LMBR1: variants seen among roughly 807,000 people sequenced by gnomAD.
The protein encoded by LMBR1 is limb development membrane protein 1, also known as limb region 1 protein homolog.
LMBR1 carries 52 observed loss-of-function variants against 73.9 expected under a neutral mutation model. The ratio of observed to expected loss-of-function variants is 0.70; its 90% confidence interval spans 0.56 to 0.89. The LOEUF is 0.89. Among genes scored for constraint, LMBR1 ranks in the 40% least tolerant of loss-of-function variants. The pLI, the probability that LMBR1 is intolerant of heterozygous loss-of-function variation, is 0.00. For missense variants in LMBR1, 539 were observed against 579.8 expected (o/e 0.93, Z 0.72); for synonymous variants, 215 against 209.4 (o/e 1.03, Z -0.23).
At chr7:156,847,637 G>A (rs1052838521) in intron 1 of LMBR1, among the ~76,000 whole-genome samples, 1 of 151,956 alleles carries the variant, frequency 6.6e-6, no homozygotes, top group Non-Finnish European at 1.5e-5. Context: ...AAGACCTCAT[G>A]AGTGAAGATA....
At position 156,682,030 on chromosome 7, in the gene LMBR1, T is replaced by C. The variant is rs929849277; in HGVS notation, c.*2048A>G. 1 of 152,288 alleles carries C rather than the reference T, an allele frequency of 6.6e-6. No homozygotes were observed. The highest frequency in any genetic ancestry group is 2.4e-5 in the African/African-American group (1 of 41,462). 9.4% of individuals were successfully genotyped at this position (152,288 alleles called of 1,614,324 possible). A position where few individuals can be genotyped will look rare whatever the true frequency, so the allele number is the denominator to read the frequency against. ...CCCAAGGCTGTAACAATCTATTTGT[T>C]CTCAAGGCATATGAGTCCCAGGTTC... On this transcript the variant is annotated 3_prime_UTR_variant, in exon 17 of 17. Coordinates refer to ENST00000353442, the MANE Select transcript of LMBR1 (RefSeq NM_022458.4).
In LMBR1 at chr7:156,763,769, A is replaced by G; in HGVS notation, c.450T>C (p.Thr150=). 6.2e-7 allele frequency: 1 copy of G among 1,600,928 alleles called. No individual in the cohort carries two copies. The highest frequency in any genetic ancestry group is 1.1e-5 in the South Asian group (1 of 88,276). ...ACGCAAGAAGAAGAAGCATGACCAA[A>G]GTCTCTAAAATGCGGGCTCGGATTC... The part of the protein sequence containing the change: ...KKGIRARILE[T]LVMLLLLALL... The change falls in exon 6 of 17, where the codon ACT becomes ACC. Residue 150 remains threonine, a synonymous_variant. Coordinates refer to ENST00000353442, the MANE Select transcript of LMBR1 (RefSeq NM_022458.4).
chr7:156,852,219 G>T (rs1025303221), intron 1 of LMBR1, among the ~76,000 whole-genome samples: 1 of 152,166 alleles, frequency 6.6e-6, no homozygotes, highest in Non-Finnish European at 1.5e-5. Flanking sequence ...AAAGTAGTGT[G>T]AATACTCACT....
chr7:156,832,861 T>A (rs1836928889), intron 3 of LMBR1, among the ~76,000 whole-genome samples: 1 of 152,142 alleles, frequency 6.6e-6, no homozygotes, highest in African/African-American at 2.4e-5. Context: ...AATGAAGAAG[T>A]GTTTCAGTCT....
At position 156,885,178 on chromosome 7, in the gene LMBR1, C is replaced by T. The variant is rs369661142; in HGVS notation, c.66+7750G>A. On this transcript the variant is annotated intron_variant, in intron 1 of 16. Coordinates refer to ENST00000353442, the MANE Select transcript of LMBR1 (RefSeq NM_022458.4). ...GACCAGCTTGGCCAACATGGCAAAA[C>T]CCCATCTCTACTAAAAATACAAAAA... Among the ~76,000 whole-genome samples the T allele has an allele frequency of 2.0e-4, 30 of 151,864 alleles. No homozygotes were observed. In the East Asian group the frequency reaches 5.3e-3, roughly 27 times the overall value.
intron 15 of LMBR1, among the ~76,000 whole-genome samples, chr7:156,717,394 G>A (rs1813455077): frequency 6.6e-6 from 1 of 152,144 alleles, no homozygotes. Context: ...CTCTGTTTTA[G>A]CTTAGGGTGG....
chr7:156,826,658 A>C lies in LMBR1; in HGVS notation c.266T>G (p.Leu89Arg), dbSNP rs1355411992. The C allele has an allele frequency of 6.2e-7, 1 of 1,605,290 alleles. No homozygotes were observed. The highest frequency in any genetic ancestry group is 2.2e-5 in the East Asian group (1 of 44,770). The part of the protein sequence containing the change: ...PFSIISNEIL[L>R]SFPQNYYIQW... ...AATATAGTAGTTCTGAGGAAAAGAAAGCAGGATTTCATTGCTGATGATTGA... is the reference window on the plus strand; with the variant it reads ...AATATAGTAGTTCTGAGGAAAAGAACGCAGGATTTCATTGCTGATGATTGA... The change falls in exon 4 of 17, where the codon CTT (leucine) becomes CGT (arginine). Residue 89 changes from leucine (L) to arginine (R), a missense_variant. Transcript: ENST00000353442.
At chr7:156,826,874 T>C in intron 3 of LMBR1, 130 bp from the exon 4 acceptor site, 1 of 831,320 alleles carries the variant, frequency 1.2e-6, no homozygotes, top group East Asian at 2.7e-5. Flanking sequence ...ATTAAATATA[T>C]GTAGTTGGGA....
intron 15 of LMBR1, among the ~76,000 whole-genome samples, chr7:156,695,685 A>C (rs1182294488): frequency 2.0e-5 from 3 of 152,174 alleles, no homozygotes; most frequent in Non-Finnish European, 4.4e-5. Context: ...CACCTCCAAC[A>C]CTGGGAATCA....
chr7:156,825,480 CCT>C (rs1287031460), intron 4 of LMBR1, among the ~76,000 whole-genome samples: 1 of 151,884 alleles, frequency 6.6e-6, no homozygotes, highest in Non-Finnish European at 1.5e-5. Context: ...TGATAGACAC[CCT>C]GTTTACCCTG....
intron 1 of LMBR1, among the ~76,000 whole-genome samples, chr7:156,873,606 C>G (rs1799678751): frequency 6.6e-6 from 1 of 151,974 alleles, no homozygotes; most frequent in Non-Finnish European, 1.5e-5. Context: ...GAGCTAGATA[C>G]AAAGGTTCTC....
At chr7:156,799,431 A>G (rs78225540) in intron 4 of LMBR1, among the ~76,000 whole-genome samples, 4,838 of 152,266 alleles carry the variant, frequency 0.032, 122 homozygotes, top group South Asian at 0.085. Flanking sequence ...GTTATGATCT[A>G]TGACCAGTGA....
intron 15 of LMBR1, among the ~76,000 whole-genome samples, chr7:156,703,052 A>G (rs1253558960): frequency 1.3e-5 from 2 of 152,214 alleles, no homozygotes; most frequent in Non-Finnish European, 2.9e-5. Flanking sequence ...GAAACTGTAC[A>G]ATCCAGGCCA....
chr7:156,842,708 A>G (rs980551192), intron 1 of LMBR1, among the ~76,000 whole-genome samples: 19 of 152,196 alleles, frequency 1.2e-4, no homozygotes, highest in African/African-American at 4.6e-4. Flanking sequence ...TGGAGCAAAT[A>G]TAATAGAAAT....
chr7:156,718,980 T>C (rs985267201), intron 15 of LMBR1, among the ~76,000 whole-genome samples: 5 of 151,790 alleles, frequency 3.3e-5, no homozygotes, highest in Non-Finnish European at 7.4e-5. Context: ...GTCTGGGCAA[T>C]GATTTTTTTA....
chr7:156,694,754 G>C (rs1427264397), intron 15 of LMBR1, among the ~76,000 whole-genome samples: 1 of 152,146 alleles, frequency 6.6e-6, no homozygotes, highest in Non-Finnish European at 1.5e-5. Flanking sequence ...TAAAAAACCA[G>C]TGGAATTTCT....
chr7:156,706,130 A>T (rs1810870931), intron 15 of LMBR1, among the ~76,000 whole-genome samples: 1 of 151,936 alleles, frequency 6.6e-6, no homozygotes, highest in Non-Finnish European at 1.5e-5. Context: ...CTGACACCAG[A>T]TAAAACAGAC....
chr7:156,776,240 T>G (rs747398645), intron 5 of LMBR1, among the ~76,000 whole-genome samples: 6 of 151,980 alleles, frequency 3.9e-5, no homozygotes, highest in African/African-American at 2.4e-5. Context: ...GGAGTTCACA[T>G]ATCATTTGTG....
At chr7:156,775,686 T>C (rs1355629463) in intron 5 of LMBR1, among the ~76,000 whole-genome samples, 1 of 152,228 alleles carries the variant, frequency 6.6e-6, no homozygotes, top group East Asian at 1.9e-4. Context: ...TTATACTTTA[T>C]GCTTTTCTGT....
Sources: allele counts gnomAD v4.1 joint callset (sites outside exome capture counted in the v4.1 genomes callset), GRCh38; gene constraint gnomAD v4.1.1; transcripts MANE v1.5; gene names NCBI Gene and HGNC (gene_info 2026-07-23, HGNC 2026-07-21).